MYO6: variants seen among roughly 807,000 people sequenced by gnomAD.
MYO6 encodes the protein unconventional myosin-VI.
A neutral mutation model predicts 178.7 loss-of-function variants in MYO6; 74 were observed. The ratio of observed to expected loss-of-function variants is 0.41; its 90% CI spans 0.34 to 0.50. The LOEUF (loss-of-function observed/expected upper bound fraction) is 0.50. Among genes scored for constraint, MYO6 ranks in the 20% least tolerant of loss-of-function variants. MYO6 has a pLI of 0.09. For missense variants in MYO6, 1,330 were observed against 1,547.4 expected, an observed-to-expected ratio of 0.86 and a Z score of 2.36; for synonymous variants, 477 against 504.6, an observed-to-expected ratio of 0.95 and a Z score of 0.73.
rs545145933 is a variant in MYO6, at chr6:75,879,706, A to T, written c.2078-114A>T. 1.7e-4 allele frequency: 236 copies of T among 1,421,794 alleles called. 1 individual carries two copies. In the African/African-American group the frequency reaches 3.0e-3, roughly 18 times the overall value. The allele number at this position is 1,421,794 out of a possible 1,614,324, so 88.1% of individuals were successfully genotyped here. A position where few individuals can be genotyped will look rare whatever the true frequency, so the allele number is the denominator to read the frequency against. On this transcript the variant is annotated intron_variant, in intron 20 of 34. Transcript: ENST00000369977. ...TCCTATATAATATTTAGTTGCTGATAATTCTCATAAATTGCCCGTTTCTAA... is the reference window on the plus strand; with the variant it reads ...TCCTATATAATATTTAGTTGCTGATTATTCTCATAAATTGCCCGTTTCTAA...
intron 30 of MYO6, among the ~76,000 whole-genome samples, chr6:75,903,146 G>C (rs371380587): frequency 1.3e-5 from 2 of 152,020 alleles, no homozygotes; most frequent in Non-Finnish European, 2.9e-5. Context: ...TTACTTCCAA[G>C]TATGTGGTCA....
At chr6:75,851,216 A>G (rs1210244056) in intron 11 of MYO6, among the ~76,000 whole-genome samples, 2 of 152,200 alleles carry the variant, frequency 1.3e-5, no homozygotes, top group African/African-American at 4.8e-5. Flanking sequence ...AGTTATTTGA[A>G]GAGTATGAAA....
At chr6:75,803,118 A>G (rs1259447194) in intron 1 of MYO6, among the ~76,000 whole-genome samples, 1 of 152,218 alleles carries the variant, frequency 6.6e-6, no homozygotes, top group Non-Finnish European at 1.5e-5. Context: ...TATTTGAAAT[A>G]TAGTTTATGA....
At chr6:75,848,986 TTTAATC>T (rs1774998088) in intron 11 of MYO6, among the ~76,000 whole-genome samples, 1 of 152,160 alleles carries the variant, frequency 6.6e-6, no homozygotes, top group African/African-American at 2.4e-5. Flanking sequence ...AAATGAAAAT[TTTAATC>T]TTATGCAGAT....
In MYO6 at chr6:75,784,802, A is replaced by AAAG. The variant is rs1285220247; in HGVS notation, c.-47-32698_-47-32697insAGA. 1.4e-4 allele frequency among the ~76,000 whole-genome samples: 20 copies of AAAG among 147,022 alleles called. 1 individual carries two copies. The highest frequency in any genetic ancestry group is 4.7e-4 in the African/African-American group (18 of 38,196). On this transcript the variant is annotated intron_variant, in intron 1 of 34. Transcript: ENST00000369977. ...AAAAAAAAAAAAAAAAAAAAAAAAA[A>AAAG]AGAGGGTGGAGCTGAGGAATAAAGT...
At chr6:75,832,698 T>C (rs1773222745) in intron 5 of MYO6, 144 bp from the exon 6 acceptor site, 3 of 626,400 alleles carry the variant, frequency 4.8e-6, no homozygotes, top group Non-Finnish European at 5.7e-6. Flanking sequence ...TTGAACACTT[T>C]TGAATGACTT....
chr6:75,805,021 A>ATATATATTTTTTT (rs1252912172), intron 1 of MYO6, among the ~76,000 whole-genome samples: 18 of 77,282 alleles, frequency 2.3e-4, no homozygotes, highest in African/African-American at 1.6e-3. Context: ...ATATATATAT[A>ATATATATTTTTTT]TTTTTTTTTT....
chr6:75,819,439 G>A (rs955084305), intron 2 of MYO6, among the ~76,000 whole-genome samples: 1 of 152,212 alleles, frequency 6.6e-6, no homozygotes, highest in Non-Finnish European at 1.5e-5. Context: ...ACATAAAGGG[G>A]TGGACTGGTC....
intron 1 of MYO6, among the ~76,000 whole-genome samples, chr6:75,784,511 T>C (rs961164380): frequency 3.3e-5 from 5 of 151,310 alleles, no homozygotes; most frequent in African/African-American, 4.8e-5. Flanking sequence ...CGGTGGCTCA[T>C]GCCTGTAATC....
chr6:75,811,368 A>G (rs2150147850), intron 1 of MYO6, among the ~76,000 whole-genome samples: 1 of 152,218 alleles, frequency 6.6e-6, no homozygotes, highest in East Asian at 1.9e-4. Context: ...CCTCTCAACC[A>G]TTTGCTTTCC....
intron 1 of MYO6, among the ~76,000 whole-genome samples, chr6:75,786,243 A>G (rs1488351942): frequency 6.6e-6 from 1 of 152,110 alleles, no homozygotes; most frequent in Non-Finnish European, 1.5e-5. Context: ...TTATATATAT[A>G]TAAATCTTTG....
intron 1 of MYO6, among the ~76,000 whole-genome samples, chr6:75,811,813 G>C (rs1368908934): frequency 6.6e-6 from 1 of 151,986 alleles, no homozygotes; most frequent in Non-Finnish European, 1.5e-5. Context: ...AAGGGGGAGG[G>C]GTATGCCTAG....
At chr6:75,782,679 C>T (rs1767103157) in intron 1 of MYO6, among the ~76,000 whole-genome samples, 1 of 152,064 alleles carries the variant, frequency 6.6e-6, no homozygotes, top group African/African-American at 2.4e-5. Flanking sequence ...TTTCCTTTCT[C>T]TTCTTTCTCT....
intron 30 of MYO6, among the ~76,000 whole-genome samples, chr6:75,902,315 T>A (rs1463128686): frequency 6.6e-6 from 1 of 152,210 alleles, no homozygotes; most frequent in Non-Finnish European, 1.5e-5. Context: ...AGTTCCTCCT[T>A]GTACCTCTGG....
intron 30 of MYO6, among the ~76,000 whole-genome samples, chr6:75,902,176 C>T (rs551734039): frequency 2.0e-4 from 31 of 152,248 alleles, no homozygotes; most frequent in Admixed American, 9.2e-4. Flanking sequence ...GGATATTGGT[C>T]TAAAATTCTC....
intron 1 of MYO6, among the ~76,000 whole-genome samples, chr6:75,773,296 A>G (rs1766059676): frequency 1.3e-5 from 2 of 152,196 alleles, no homozygotes; most frequent in East Asian, 1.9e-4. Context: ...TTAACACTCA[A>G]CTCTGCAGCT....
chr6:75,767,420 A>G (rs1211971700), intron 1 of MYO6, among the ~76,000 whole-genome samples: 2 of 152,092 alleles, frequency 1.3e-5, no homozygotes, highest in South Asian at 2.1e-4. Flanking sequence ...AATAATAAGA[A>G]TGAATATAAA....
chr6:75,793,479 C>T (rs1464705267), intron 1 of MYO6, among the ~76,000 whole-genome samples: 10 of 151,994 alleles, frequency 6.6e-5, no homozygotes, highest in Admixed American at 6.6e-4. Flanking sequence ...TGGCGGGCGC[C>T]TGTAATCCCA....
rs145138636 is a variant in MYO6, at chr6:75,918,689, A to G, written c.*3677A>G. ...TCTGAGTACGCTTTAGTTCAATTCA[A>G]ATCACTGTATTCTTTCCCCATTGCT... is the stretch of plus-strand genomic sequence containing the variant. On this transcript the variant is annotated 3_prime_UTR_variant, in exon 35 of 35. Coordinates refer to ENST00000369977, the MANE Select transcript of MYO6 (RefSeq NM_004999.4). The G allele has an allele frequency of 1.3e-5, 2 of 152,346 alleles. No individual in the cohort carries two copies. Among genetic ancestry groups the G allele is most frequent in the South Asian group, 2.1e-4 (1 of 4,832 alleles). 9.4% of individuals were successfully genotyped at this position (152,346 alleles called of 1,614,324 possible). A position where few individuals can be genotyped will look rare whatever the true frequency, so the allele number is the denominator to read the frequency against.
Sources: allele counts gnomAD v4.1 joint callset (sites outside exome capture counted in the v4.1 genomes callset), GRCh38; gene constraint gnomAD v4.1.1; transcripts MANE v1.5; gene names NCBI Gene and HGNC (gene_info 2026-07-23, HGNC 2026-07-21).